CDK14: variants seen among roughly 807,000 people sequenced by gnomAD.
CDK14 encodes the protein cyclin-dependent kinase 14.
A neutral mutation model predicts 60.7 loss-of-function variants in CDK14; 34 were observed. That is an observed-to-expected ratio of 0.56 (90% CI 0.43 to 0.75). The LOEUF is 0.75. CDK14 is among the 30% of genes least tolerant of loss of function. CDK14 has a pLI of 0.00. For synonymous variants in CDK14, 197 were observed against 203.7 expected (o/e 0.97, Z 0.28); for missense variants, 482 against 564.1 (o/e 0.85, Z 1.47).
intron 3 of CDK14, among the ~76,000 whole-genome samples, chr7:90,737,541 C>G (rs928144192): frequency 6.6e-6 from 1 of 152,066 alleles, no homozygotes; most frequent in Admixed American, 6.6e-5. Context: ...GAACCAAGCC[C>G]CCTTGACAGG....
At chr7:90,855,012 T>A (rs1790777485) in intron 5 of CDK14, among the ~76,000 whole-genome samples, 1 of 152,194 alleles carries the variant, frequency 6.6e-6, no homozygotes, top group Non-Finnish European at 1.5e-5. Context: ...TTTGGATCTT[T>A]CCCATCACAA....
At chr7:90,919,010 T>C (rs1793165538) in intron 8 of CDK14, among the ~76,000 whole-genome samples, 1 of 152,164 alleles carries the variant, frequency 6.6e-6, no homozygotes, top group Non-Finnish European at 1.5e-5. Context: ...AACATTGGAA[T>C]TACACTAGGT....
At chr7:90,938,398 CCTTT>C (rs1793817793) in intron 8 of CDK14, among the ~76,000 whole-genome samples, 3 of 152,140 alleles carry the variant, frequency 2.0e-5, no homozygotes, top group Admixed American at 1.3e-4. Flanking sequence ...GAACATGTGG[CCTTT>C]CTCACAGGCA....
rs183216304 is a variant in CDK14 at position 90,801,675 on chromosome 7, A to G, written c.544+11023A>G. ...GTTCTGTTGGAGTCTTTTTTTATTC[A>G]GATATGCCTTTTATCCAGGTATATG... On this transcript the variant is annotated intron_variant, in intron 5 of 14. Transcript: ENST00000380050. Among the ~76,000 whole-genome samples the G allele has an allele frequency of 8.5e-3, 1,298 of 152,310 alleles. 8 individuals carry two copies. The highest frequency in any genetic ancestry group is 0.013 in the Non-Finnish European group (892 of 68,014).
At position 90,614,031 on chromosome 7, in the gene CDK14, A is replaced by C. The variant is rs188008712; in HGVS notation, c.123+9782A>C. Reference sequence around the variant, plus strand: ...CTTTTTTTTTTTTTTTTTGAGATGGAGTTTCGCTCTTGTTGCCTAGGCTGG... The same window carrying C: ...CTTTTTTTTTTTTTTTTTGAGATGGCGTTTCGCTCTTGTTGCCTAGGCTGG... On this transcript the variant is annotated intron_variant, in intron 2 of 14. Transcript: ENST00000380050. Among the ~76,000 whole-genome samples the C allele has an allele frequency of 7.3e-3, 875 of 120,236 alleles. 17 individuals are homozygous for C. Among genetic ancestry groups the C allele is most frequent in the African/African-American group, 0.027 (835 of 30,610 alleles). The allele number at this position is 120,236 out of a possible 152,430, so 78.9% of individuals were successfully genotyped here. A position where few individuals can be genotyped will look rare whatever the true frequency, so the allele number is the denominator to read the frequency against.
At chr7:90,919,386 G>T (rs1021571865) in intron 8 of CDK14, among the ~76,000 whole-genome samples, 2 of 151,990 alleles carry the variant, frequency 1.3e-5, no homozygotes, top group African/African-American at 4.8e-5. Flanking sequence ...ATTGTAGTAG[G>T]TAAGTTTATC....
intron 11 of CDK14, among the ~76,000 whole-genome samples, chr7:91,058,980 T>C (rs549352746): frequency 1.3e-5 from 2 of 152,372 alleles, no homozygotes; most frequent in East Asian, 3.9e-4. Flanking sequence ...GAAGGAATGG[T>C]ACCAGCTCCT....
chr7:91,086,101 T>G (rs1798630747), intron 12 of CDK14, among the ~76,000 whole-genome samples: 1 of 152,218 alleles, frequency 6.6e-6, no homozygotes, highest in African/African-American at 2.4e-5. Context: ...GTAATACAAA[T>G]GTGGATGTCT....
chr7:90,604,274 GT>G, intron 2 of CDK14, 25 bp downstream of exon 2: 1 of 1,445,290 alleles, frequency 6.9e-7, no homozygotes, highest in Non-Finnish European at 9.4e-7. Context: ...TTTATCTAAT[GT>G]TAGATGTATT....
intron 4 of CDK14, among the ~76,000 whole-genome samples, chr7:90,775,711 T>TCCTCCTCCTCTCCTTTTCCTCCTC (rs373509520): frequency 1.7e-5 from 2 of 120,698 alleles, no homozygotes; most frequent in South Asian, 6.2e-4. Flanking sequence ...TCCTTTTCCT[T>TCCTCCTCCTCTCCTTTTCCTCCTC]CTCCTCCTCC....
intron 5 of CDK14, among the ~76,000 whole-genome samples, chr7:90,842,524 A>T (rs1382758186): frequency 6.6e-6 from 1 of 152,172 alleles, no homozygotes; most frequent in Non-Finnish European, 1.5e-5. Context: ...AAGCTGCTAG[A>T]AAGACTTTTG....
At chr7:91,133,910 G>A (rs910658361) in intron 14 of CDK14, among the ~76,000 whole-genome samples, 1 of 152,060 alleles carries the variant, frequency 6.6e-6, no homozygotes, top group Non-Finnish European at 1.5e-5. Context: ...ATGAGTTAAC[G>A]TTTAAAGTAC....
intron 3 of CDK14, among the ~76,000 whole-genome samples, chr7:90,732,144 A>T (rs866320699): frequency 7.9e-5 from 12 of 152,154 alleles, no homozygotes; most frequent in Admixed American, 7.2e-4. Context: ...GATTACATTT[A>T]TTGATTGGCT....
intron 2 of CDK14, among the ~76,000 whole-genome samples, chr7:90,652,051 G>A (rs909974709): frequency 1.3e-5 from 2 of 152,026 alleles, no homozygotes; most frequent in Admixed American, 6.6e-5. Flanking sequence ...CTCACCAGTG[G>A]GCACTTGCAG....
intron 14 of CDK14, among the ~76,000 whole-genome samples, chr7:91,160,917 T>C (rs1801152336): frequency 6.6e-6 from 1 of 152,188 alleles, no homozygotes; most frequent in South Asian, 2.1e-4. Context: ...TTGTTTATCA[T>C]GAGGCTGGAG....
intron 5 of CDK14, among the ~76,000 whole-genome samples, chr7:90,849,386 C>G (rs1441366349): frequency 6.6e-6 from 1 of 152,046 alleles, no homozygotes; most frequent in East Asian, 1.9e-4. Flanking sequence ...AACCTCTTTT[C>G]TTTTGAATTA....
intron 6 of CDK14, among the ~76,000 whole-genome samples, chr7:90,868,650 A>G (rs964289843): frequency 2.0e-5 from 3 of 152,208 alleles, no homozygotes; most frequent in Admixed American, 1.3e-4. Context: ...TATCAATAGA[A>G]ATCATAAAGC....
At chr7:90,908,081 T>A (rs1238786597) in intron 7 of CDK14, among the ~76,000 whole-genome samples, 2 of 152,154 alleles carry the variant, frequency 1.3e-5, no homozygotes, top group Non-Finnish European at 2.9e-5. Context: ...TTTTAAAAAT[T>A]TGACACCAAG....
At chr7:91,205,648 G>A (rs2116021771) in intron 14 of CDK14, among the ~76,000 whole-genome samples, 1 of 152,220 alleles carries the variant, frequency 6.6e-6, no homozygotes, top group East Asian at 1.9e-4. Context: ...TGCACTAAAT[G>A]CCACTAAATT....
Sources: gnomAD v4.1 joint callset for allele counts (sites outside exome capture counted in the v4.1 genomes callset) on GRCh38, gnomAD v4.1.1 for gene constraint, MANE v1.5 for transcripts, NCBI Gene and HGNC (gene_info 2026-07-23, HGNC 2026-07-21) for gene names.